The following DMD variants were observed in gnomAD, a reference collection of about 807,000 sequenced individuals.
The protein encoded by DMD is dystrophin.
Under a neutral mutation model 330.1 loss-of-function variants are expected in DMD, and 63 were observed. That is an observed-to-expected ratio of 0.19 (90% CI 0.16 to 0.24). DMD has a LOEUF of 0.24. DMD is among the 10% of genes least tolerant of loss of function. The pLI is 1.00. For missense variants in DMD, 3,344 were observed against 2,684.1 expected, an observed-to-expected ratio of 1.25 and a Z score of -5.43; for synonymous variants, 1,223 against 959.8, an observed-to-expected ratio of 1.27 and a Z score of -5.07.
Position 32,050,974 on chromosome X carries a change from C to CTTTTTTTTTTTTTTTTTTTTTTTTT in DMD, c.6439-82461_6439-82460insAAAAAAAAAAAAAAAAAAAAAAAAA, listed in dbSNP as rs761835866. 2.7e-3 allele frequency among the ~76,000 whole-genome samples: 208 copies of CTTTTTTTTTTTTTTTTTTTTTTTTT among 78,048 alleles called. 21 individuals carry two copies. Among genetic ancestry groups the CTTTTTTTTTTTTTTTTTTTTTTTTT allele is most frequent in the African/African-American group, 0.01 (178 of 17,470 alleles). 67.8% of individuals were successfully genotyped at this position (78,048 alleles called of 115,157 possible). On this transcript the variant is annotated intron_variant, in intron 44 of 78. Transcript: ENST00000357033. ...TTACATTGCCTCAGGCTAACTTCCTCTTTTTTTTTTTTTCCCCCTAATAGA... is the reference window on the plus strand; with the variant it reads ...TTACATTGCCTCAGGCTAACTTCCTCTTTTTTTTTTTTTTTTTTTTTTTTTTTTTTTTTTTTTTCCCCCTAATAGA...
At chrX:32,463,027 A>C (rs2098389109) in intron 25 of DMD, among the ~76,000 whole-genome samples, 1 of 112,081 alleles carries the variant, frequency 8.9e-6, no homozygotes, top group Admixed American at 9.5e-5. Flanking sequence ...ATCGAAAGTT[A>C]TAATTATTTA....
chrX:31,677,760 C>T (rs1023137441), intron 53 of DMD, among the ~76,000 whole-genome samples: 57 of 112,257 alleles, frequency 5.1e-4, no homozygotes, highest in African/African-American at 1.8e-3. Context: ...TTCTAACATC[C>T]TCATCATATA....
intron 11 of DMD, among the ~76,000 whole-genome samples, chrX:32,629,070 G>A (rs2058561424): frequency 9.0e-6 from 1 of 111,563 alleles, no homozygotes; most frequent in Admixed American, 9.5e-5. Context: ...TTTCTTTGTT[G>A]ATTTTATGTC....
At chrX:31,638,010 G>A (rs1018493761) in intron 54 of DMD, among the ~76,000 whole-genome samples, 1 of 111,107 alleles carries the variant, frequency 9.0e-6, no homozygotes, top group Non-Finnish European at 1.9e-5. Context: ...ATTTTACTGG[G>A]CAACACATTG....
intron 47 of DMD, among the ~76,000 whole-genome samples, chrX:31,928,798 A>C (rs914731601): frequency 1.8e-5 from 2 of 111,840 alleles, no homozygotes; most frequent in Non-Finnish European, 3.8e-5. Context: ...TATGTGAATT[A>C]TAGCTCGGTA....
At chrX:32,624,663 C>T (rs960138405) in intron 11 of DMD, among the ~76,000 whole-genome samples, 1 of 111,670 alleles carries the variant, frequency 9.0e-6, no homozygotes, top group African/African-American at 3.3e-5. Context: ...GATATCAATG[C>T]TTCGGATCCA....
intron 17 of DMD, among the ~76,000 whole-genome samples, chrX:32,524,209 C>G (rs1343294361): frequency 8.9e-6 from 1 of 111,930 alleles, no homozygotes; most frequent in Non-Finnish European, 1.9e-5. Context: ...GCTGGGATTA[C>G]AGGCGTGAGC....
chrX:31,155,535 T>A (rs1469310489), intron 74 of DMD, among the ~76,000 whole-genome samples: 1 of 112,235 alleles, frequency 8.9e-6, no homozygotes, highest in Non-Finnish European at 1.9e-5. Context: ...CTAAATCATA[T>A]CCACCAATCT....
At chrX:32,397,863 A>C (rs1166176142) in intron 30 of DMD, among the ~76,000 whole-genome samples, 2 of 111,348 alleles carry the variant, frequency 1.8e-5, no homozygotes, top group African/African-American at 3.3e-5. Flanking sequence ...AAATGATATC[A>C]AATAATTATT....
At chrX:32,113,518 C>T (rs1330985299) in intron 44 of DMD, among the ~76,000 whole-genome samples, 1 of 111,692 alleles carries the variant, frequency 9.0e-6, no homozygotes, top group Admixed American at 9.5e-5. Context: ...GCCTCGATTT[C>T]GTTCATGGGA....
At chrX:31,767,540 T>C (rs943782565) in intron 51 of DMD, among the ~76,000 whole-genome samples, 11 of 112,362 alleles carry the variant, frequency 9.8e-5, no homozygotes, top group African/African-American at 3.6e-4. Context: ...ATTAACTAAA[T>C]TGTCTATAAC....
chrX:32,502,356 T>G (rs1750832296), intron 18 of DMD, among the ~76,000 whole-genome samples: 1 of 111,610 alleles, frequency 9.0e-6, no homozygotes, highest in African/African-American at 3.2e-5. Flanking sequence ...GTAGGCTAAT[T>G]TTTCTTTCAA....
chrX:31,942,911 A>G (rs1375173205), intron 45 of DMD, among the ~76,000 whole-genome samples: 1 of 111,877 alleles, frequency 8.9e-6, no homozygotes, highest in African/African-American at 3.3e-5. Context: ...TAGTCTGGGG[A>G]GATTTTCCAT....
intron 60 of DMD, among the ~76,000 whole-genome samples, chrX:31,373,158 G>T (rs1275413820): frequency 1.8e-4 from 19 of 103,085 alleles, no homozygotes; most frequent in Non-Finnish European, 1.0e-4. Context: ...CACTGCTCAA[G>T]GAAATAAAAG....
At chrX:32,767,049 T>C (rs139498849) in intron 7 of DMD, among the ~76,000 whole-genome samples, 2,306 of 111,409 alleles carry the variant, frequency 0.021, 32 homozygotes, top group Middle Eastern at 0.07. Flanking sequence ...GGCATAGTAA[T>C]AGGATTACAT....
chrX:32,980,046 C>T lies in DMD; in HGVS notation c.93+40093G>A, dbSNP rs142145622. 6.1e-3 allele frequency among the ~76,000 whole-genome samples: 676 copies of T among 110,575 alleles called. 3 individuals are homozygous for T. The highest frequency in any genetic ancestry group is 0.021 in the African/African-American group (644 of 30,459). On this transcript the variant is annotated intron_variant, in intron 2 of 78. Transcript: ENST00000357033. ...AACAGTCAAATAAATGTTGTAAAAA[C>T]ATTTATTCCATTTGCCATATTGAAA...
At chrX:33,197,568 T>C (rs2051017593) in intron 1 of DMD, among the ~76,000 whole-genome samples, 1 of 111,703 alleles carries the variant, frequency 9.0e-6, no homozygotes, top group Non-Finnish European at 1.9e-5. Flanking sequence ...GTGGCACCAT[T>C]ATATAGCATA....
intron 41 of DMD, 46 bp from the exon 42 acceptor site, chrX:32,310,322 G>A (rs1009020020): frequency 3.9e-6 from 4 of 1,025,620 alleles, no homozygotes; most frequent in Non-Finnish European, 4.1e-6. Flanking sequence ...CTTCCTAACA[G>A]TGAAACCTCC....
chrX:33,194,275 A>G lies in DMD; in HGVS notation c.31+17007T>C, dbSNP rs1390236639. ...ATCAGAGTCTATATTTTCAACTTTC[A>G]AAATTGCACACCACATTTCTACAAT... On this transcript the variant is annotated intron_variant, in intron 1 of 78. Coordinates refer to ENST00000357033, the MANE Select transcript of DMD (RefSeq NM_004006.3). Among the ~76,000 whole-genome samples the G allele has an allele frequency of 3.6e-5, 4 of 110,445 alleles. No homozygotes were observed. In the East Asian group the frequency reaches 1.1e-3, roughly 31 times the overall value.
Sources: gnomAD v4.1 joint callset for allele counts (sites outside exome capture counted in the v4.1 genomes callset) on GRCh38, gnomAD v4.1.1 for gene constraint, MANE v1.5 for transcripts, NCBI Gene and HGNC (gene_info 2026-07-23, HGNC 2026-07-21) for gene names.